MLC1: variants seen among roughly 807,000 people sequenced by gnomAD.
MLC1 encodes membrane protein MLC1.
MLC1 carries 32 observed loss-of-function variants against 44.7 expected under a neutral mutation model. The observed-to-expected ratio is 0.72, with a 90% confidence interval of 0.54 to 0.96. MLC1 has a LOEUF of 0.96. Ranked by LOEUF, MLC1 falls within the 40% of genes least tolerant of loss-of-function variation. MLC1 has a pLI of 0.00. For missense variants in MLC1, 459 were observed against 492.2 expected (o/e 0.93, Z 0.64); for synonymous variants, 190 against 213.0 (o/e 0.89, Z 0.94).
At chr22:50,069,058 G>T (rs1195092569) in intron 9 of MLC1, among the ~76,000 whole-genome samples, 1 of 150,564 alleles carries the variant, frequency 6.6e-6, no homozygotes, top group Non-Finnish European at 1.5e-5. Context: ...AGGCAGCCTA[G>T]CTGTGTAGCC....
intron 3 of MLC1, among the ~76,000 whole-genome samples, chr22:50,082,007 C>T (rs992430530): frequency 6.6e-6 from 1 of 152,228 alleles, no homozygotes; most frequent in African/African-American, 2.4e-5. Flanking sequence ...CCCAGGACAG[C>T]ACGGGGCGGG....
chr22:50,080,210 G>C (rs1167673894), intron 4 of MLC1, 134 bp downstream of exon 4: 1 of 1,232,270 alleles, frequency 8.1e-7, no homozygotes, highest in Non-Finnish European at 1.2e-6. Context: ...TTACTGTCTG[G>C]GGGGCAACCT....
Position 50,061,649 on chromosome 22 carries a change from C to G in MLC1, c.1068G>C (p.Arg356Ser), listed in dbSNP as rs769559923. The change falls in exon 12 of 12, where the codon AGG (arginine) becomes AGC (serine). Residue 356 changes from arginine to serine, a missense_variant. Transcript: ENST00000311597. ...PQERLAGEVA[R>S]SPLKEFDKEK... ...CCTTGTCGAACTCCTTCAGGGGGCT[C>G]CTGGCCACCTGCAACCGAGACAGGA... 1.9e-6 allele frequency: 3 copies of G among 1,613,388 alleles called. No homozygotes were observed. The South Asian group carries it at 3.3e-5, about 18-fold the overall frequency.
At chr22:50,079,500 CTTT>C (rs55760839) in intron 5 of MLC1, among the ~76,000 whole-genome samples, 2 of 75,808 alleles carry the variant, frequency 2.6e-5, no homozygotes, top group Admixed American at 2.0e-4. Context: ...GGATTTTTGT[CTTT>C]TTTTTTTTTT....
chr22:50,067,590 T>TC (rs1350687423), intron 10 of MLC1, among the ~76,000 whole-genome samples: 2 of 28,360 alleles, frequency 7.1e-5, no homozygotes, highest in Non-Finnish European at 1.2e-4. Context: ...AGTGACTCCA[T>TC]CCCCCGTCAG....
intron 1 of MLC1, 181 bp downstream of exon 1, chr22:50,085,174 T>G: frequency 7.5e-7 from 1 of 1,332,138 alleles, no homozygotes; most frequent in Non-Finnish European, 9.6e-7. Context: ...ATTCTACACT[T>G]TAAATGCCTC....
At chr22:50,075,443 G>A (rs984316077) in intron 7 of MLC1, among the ~76,000 whole-genome samples, 7 of 152,128 alleles carry the variant, frequency 4.6e-5, no homozygotes, top group African/African-American at 1.2e-4. Flanking sequence ...CAGGCACGGC[G>A]GCTCATGCCT....
chr22:50,071,006 G>A (rs988917013), intron 8 of MLC1, among the ~76,000 whole-genome samples: 2 of 152,144 alleles, frequency 1.3e-5, no homozygotes, highest in East Asian at 3.8e-4. Flanking sequence ...GCAGGACCAC[G>A]CTCGAGAGAC....
Position 50,083,555 on chromosome 22 carries a change from G to A in MLC1, c.178-382C>T, listed in dbSNP as rs1298736525. On this transcript the variant is annotated intron_variant, in intron 2 of 11. Transcript: ENST00000311597. The surrounding 1 kb of genome is among the most constrained non-coding windows in gnomAD (Gnocchi z 4.6). Reference sequence around the variant, plus strand: ...CACACCCAGGTCCAGACACGAGACTGGAAAACAACTGCCCATCCCCCTCCG... The same window carrying A: ...CACACCCAGGTCCAGACACGAGACTAGAAAACAACTGCCCATCCCCCTCCG... Among the ~76,000 whole-genome samples the A allele has an allele frequency of 6.6e-6, 1 of 152,210 alleles. No individual in the cohort carries two copies. Among genetic ancestry groups the A allele is most frequent in the Non-Finnish European group, 1.5e-5 (1 of 68,036 alleles).
At chr22:50,067,077 C>T (rs541454926) in intron 10 of MLC1, among the ~76,000 whole-genome samples, 6 of 152,186 alleles carry the variant, frequency 3.9e-5, no homozygotes, top group South Asian at 2.1e-4. Flanking sequence ...CTCTTGTAAT[C>T]GTGAACAATT....
chr22:50,081,813 G>T (rs1295123144), intron 3 of MLC1, among the ~76,000 whole-genome samples: 7 of 152,222 alleles, frequency 4.6e-5, no homozygotes, highest in Non-Finnish European at 1.0e-4. Flanking sequence ...GGCCAAGGCT[G>T]GGCGGGGGTG....
intron 10 of MLC1, 70 bp from the exon 11 acceptor site, chr22:50,064,268 G>T: frequency 6.5e-7 from 1 of 1,530,194 alleles, no homozygotes; most frequent in Non-Finnish European, 8.8e-7. Flanking sequence ...AAGCTCCCTC[G>T]TGCCCACGGC....
At position 50,083,145 on chromosome 22, in the gene MLC1, G is replaced by A. The variant is rs281875309; in HGVS notation, c.206C>T (p.Ser69Leu). 46 of 1,613,966 alleles carry A rather than the reference G, an allele frequency of 2.9e-5. No individual in the cohort carries two copies. The highest frequency in any genetic ancestry group is 4.4e-5 in the South Asian group (4 of 91,088). ...CGGGAACACGTTCCCCAGGTACAGC[G>A]AAAACCCCGAGGTCACCAGGAGGCA... ...GSCLLVTSGFSLYLGNVFPAE... is the reference protein window; with the variant it reads ...GSCLLVTSGFLLYLGNVFPAE... The change falls in exon 3 of 12, where the codon TCG (serine) becomes TTG (leucine). Residue 69 changes from serine (S) to leucine (L), a missense_variant. Physicochemically the swap from Ser to Leu is moderately radical, Grantham distance 145 (BLOSUM62 -2). Coordinates refer to ENST00000311597, the MANE Select transcript of MLC1 (RefSeq NM_015166.4). This position sits in a 1 kb window ranked among gnomAD's most constrained non-coding sequence, Gnocchi z 4.6.
intron 8 of MLC1, 93 bp from the exon 9 acceptor site, chr22:50,070,676 A>C (rs543351003): frequency 7.4e-7 from 1 of 1,357,646 alleles, no homozygotes; most frequent in Non-Finnish European, 1.0e-6. Context: ...CCCTCCATGC[A>C]GGCTGCCTGG....
chr22:50,081,009 A>AAGAAAG (rs1555967989), intron 3 of MLC1, among the ~76,000 whole-genome samples: 1 of 96,740 alleles, frequency 1.0e-5, no homozygotes, highest in African/African-American at 4.5e-5. Context: ...TTGTCTCAAA[A>AAGAAAG]AAAGAAAGAA....
intron 7 of MLC1, among the ~76,000 whole-genome samples, chr22:50,075,608 G>A (rs1569247707): frequency 6.6e-6 from 1 of 151,804 alleles, no homozygotes; most frequent in Admixed American, 6.6e-5. Flanking sequence ...TACTCGGGAG[G>A]CTGAGGCGGG....
At position 50,077,503 on chromosome 22, in the gene MLC1, C is replaced by T. The variant is rs761067508; in HGVS notation, c.424-1G>A. 6.2e-7 allele frequency: 1 copy of T among 1,612,748 alleles called. No homozygotes were observed. Among genetic ancestry groups the T allele is most frequent in the Non-Finnish European group, 8.5e-7 (1 of 1,179,446 alleles). ...GCAGCAGGATGAGGTTGAAGTTGAT[C>T]TGCCAAGGGGCACACACGCTTCAGC... On this transcript the variant is annotated splice_acceptor_variant, in intron 5 of 11. Transcript: ENST00000311597. LOFTEE classifies it high-confidence loss of function.
chr22:50,066,937 A>G (rs1253521134), intron 10 of MLC1, among the ~76,000 whole-genome samples: 1 of 152,202 alleles, frequency 6.6e-6, no homozygotes, highest in East Asian at 1.9e-4. Flanking sequence ...TCGAACCCAG[A>G]GGATAACCCC....
chr22:50,077,300 G>T, intron 6 of MLC1, 101 bp downstream of exon 6: 1 of 1,044,060 alleles, frequency 9.6e-7, no homozygotes, highest in Non-Finnish European at 1.4e-6. Flanking sequence ...CCCTGGAGCA[G>T]CCCAGATCGG....
Sources: allele counts gnomAD v4.1 joint callset (sites outside exome capture counted in the v4.1 genomes callset), GRCh38; gene constraint gnomAD v4.1.1; non-coding constraint Gnocchi (gnomAD v3.1); transcripts MANE v1.5; gene names NCBI Gene and HGNC (gene_info 2026-07-23, HGNC 2026-07-21).